The following PLCG2 variants were observed in gnomAD, a reference collection of about 807,000 sequenced individuals.
PLCG2 encodes 1-phosphatidylinositol 4,5-bisphosphate phosphodiesterase gamma-2.
Under a neutral mutation model 175.6 loss-of-function variants are expected in PLCG2, and 69 were observed. The ratio of observed to expected loss-of-function variants is 0.39; its 90% CI spans 0.32 to 0.48. The LOEUF is 0.48. Ranked by LOEUF, PLCG2 falls within the 20% of genes least tolerant of loss-of-function variation. The pLI is 0.91. For missense variants in PLCG2, 1,798 were observed against 1,650.9 expected (o/e 1.09, Z -1.54); for synonymous variants, 827 against 624.0 (o/e 1.33, Z -4.85).
chr16:81,784,865 A>G (rs758227825), intron 1 of PLCG2, among the ~76,000 whole-genome samples: 1 of 152,128 alleles, frequency 6.6e-6, no homozygotes, highest in Non-Finnish European at 1.5e-5. Flanking sequence ...CCTTCACTCT[A>G]AGTCCTATTT....
rs753762025 is a variant in PLCG2, at chr16:81,927,161, G to A, written c.2497G>A (p.Glu833Lys). The change falls in exon 23 of 33, where the codon GAG (glutamate) becomes AAG (lysine). Residue 833 changes from glutamate (E) to lysine (K), a missense_variant. Transcript: ENST00000564138. ...CGAGGACATCTCAACTGCAGACTTC[G>A]AGGAGCTAGAAAAGCAGGTGAGTCC... Reference protein sequence around the residue: ...YVEDISTADFEELEKQIIEDN... With the variant: ...YVEDISTADFKELEKQIIEDN... 32 of 1,611,884 alleles carry A rather than the reference G, an allele frequency of 2.0e-5. No homozygotes were observed. The highest frequency in any genetic ancestry group is 2.5e-5 in the Non-Finnish European group (30 of 1,178,058).
At chr16:81,784,949 G>C (rs1910904483) in intron 1 of PLCG2, among the ~76,000 whole-genome samples, 1 of 152,142 alleles carries the variant, frequency 6.6e-6, no homozygotes, top group South Asian at 2.1e-4. Context: ...GGCTCAGGGA[G>C]GGACTAAGGG....
At chr16:81,816,483 A>AT (rs35287968) in intron 2 of PLCG2, among the ~76,000 whole-genome samples, 121,002 of 147,166 alleles carry the variant, frequency 0.82, 49,746 homozygotes, top group East Asian at 0.95. Context: ...CCTCATTATA[A>AT]TTTTTTTTTT....
intron 2 of PLCG2, among the ~76,000 whole-genome samples, chr16:81,811,614 G>A (rs1904326280): frequency 6.6e-6 from 1 of 152,050 alleles, no homozygotes; most frequent in Non-Finnish European, 1.5e-5. Flanking sequence ...GTAAGAAAAT[G>A]TGGTGTTTGG....
chr16:81,932,871 G>A (rs1307096007), intron 25 of PLCG2, among the ~76,000 whole-genome samples: 1 of 152,230 alleles, frequency 6.6e-6, no homozygotes, highest in Non-Finnish European at 1.5e-5. Context: ...GTAGCCAGCT[G>A]CGCTGTCCTT....
chr16:81,847,607 C>A (rs1906193409), intron 2 of PLCG2, among the ~76,000 whole-genome samples: 1 of 152,126 alleles, frequency 6.6e-6, no homozygotes, highest in Non-Finnish European at 1.5e-5. Context: ...CAAATATATG[C>A]AGTCAGTCCT....
intron 18 of PLCG2, 121 bp from the exon 19 acceptor site, chr16:81,912,476 A>G (rs976274986): frequency 1.6e-6 from 2 of 1,220,920 alleles, no homozygotes; most frequent in African/African-American, 3.0e-5. Context: ...TGTGATTTCC[A>G]TGGTCGTTTC....
intron 7 of PLCG2, among the ~76,000 whole-genome samples, 168 bp downstream of exon 7, chr16:81,871,103 A>G (rs897279765): frequency 5.9e-5 from 9 of 152,306 alleles, no homozygotes; most frequent in African/African-American, 1.4e-4. Context: ...TAGATTGGCA[A>G]AATTCTTTAA....
At chr16:81,869,801 A>G (rs966963491) in intron 6 of PLCG2, among the ~76,000 whole-genome samples, 1 of 152,076 alleles carries the variant, frequency 6.6e-6, no homozygotes, top group East Asian at 1.9e-4. Flanking sequence ...TAATCAAGTT[A>G]TTGGTGGGTC....
chr16:81,938,977 G>C, intron 29 of PLCG2, 62 bp downstream of exon 29: 1 of 909,650 alleles, frequency 1.1e-6, no homozygotes. Context: ...CTTTGTGGGA[G>C]TGCTCTTCGT....
intron 2 of PLCG2, among the ~76,000 whole-genome samples, chr16:81,769,758 T>G (rs1910234740): frequency 7.3e-6 from 1 of 136,984 alleles, no homozygotes; most frequent in African/African-American, 2.8e-5. Flanking sequence ...AGGCGGAGCT[T>G]GCAGTGAGCC....
chr16:81,958,194 TCTTAA>T lies in PLCG2; in HGVS notation c.*201_*205del, dbSNP rs910217504. 1.3e-5 allele frequency: 8 copies of T among 597,126 alleles called. No individual in the cohort carries two copies. The highest frequency in any genetic ancestry group is 3.7e-5 in the African/African-American group (2 of 53,654). 37.0% of individuals were successfully genotyped at this position (597,126 alleles called of 1,614,324 possible). A position where few individuals can be genotyped will look rare whatever the true frequency, so the allele number is the denominator to read the frequency against. ...CTATTATTTTCATCTTGGACAACTT[TCTTAA>T]CTTATATTCTTTATAGAGGATTCCC... On this transcript the variant is annotated 3_prime_UTR_variant, in exon 33 of 33. Coordinates refer to ENST00000564138, the MANE Select transcript of PLCG2 (RefSeq NM_002661.5).
At chr16:81,819,643 G>A (rs1035313165) in intron 2 of PLCG2, among the ~76,000 whole-genome samples, 1 of 152,186 alleles carries the variant, frequency 6.6e-6, no homozygotes, top group Non-Finnish European at 1.5e-5. Flanking sequence ...GTAGTGCGGT[G>A]GCGCTATCTC....
chr16:81,886,476 C>G (rs1482317306), intron 9 of PLCG2, among the ~76,000 whole-genome samples: 2 of 152,214 alleles, frequency 1.3e-5, no homozygotes, highest in South Asian at 2.1e-4. Context: ...GATTCTATAT[C>G]TGGAGTAAAT....
intron 2 of PLCG2, among the ~76,000 whole-genome samples, chr16:81,805,475 G>T (rs892315701): frequency 2.7e-5 from 4 of 147,354 alleles, no homozygotes; most frequent in African/African-American, 1.0e-4. Context: ...CTTCAGCCTG[G>T]GTAACAGAGC....
intron 23 of PLCG2, among the ~76,000 whole-genome samples, chr16:81,927,967 C>G (rs1214571712): frequency 6.6e-6 from 1 of 152,096 alleles, no homozygotes; most frequent in Non-Finnish European, 1.5e-5. Context: ...TCAGCATTTA[C>G]CTGGTGCAGG....
intron 2 of PLCG2, among the ~76,000 whole-genome samples, chr16:81,826,738 A>G (rs1281578587): frequency 6.6e-6 from 1 of 152,138 alleles, no homozygotes; most frequent in Non-Finnish European, 1.5e-5. Context: ...CATTTTATAG[A>G]TGGGGAAACT....
intron 2 of PLCG2, among the ~76,000 whole-genome samples, chr16:81,802,844 A>G (rs1259584775): frequency 1.3e-5 from 2 of 152,192 alleles, no homozygotes; most frequent in African/African-American, 2.4e-5. Flanking sequence ...GTGCAAAAGA[A>G]ATTAATACTT....
chr16:81,803,042 A>T (rs1309323656), intron 2 of PLCG2, among the ~76,000 whole-genome samples: 1 of 151,910 alleles, frequency 6.6e-6, no homozygotes, highest in East Asian at 1.9e-4. Context: ...GGCAATGACA[A>T]ATCTACTTTT....
Sources: allele counts gnomAD v4.1 joint callset (sites outside exome capture counted in the v4.1 genomes callset), GRCh38; gene constraint gnomAD v4.1.1; transcripts MANE v1.5; gene names NCBI Gene and HGNC (gene_info 2026-07-23, HGNC 2026-07-21).